Variants in PDE8B observed in about 807,000 individuals in gnomAD.
PDE8B encodes the protein phosphodiesterase 8B.
Under a neutral mutation model 101.3 loss-of-function variants are expected in PDE8B, and 26 were observed. That is an observed-to-expected ratio of 0.26 (90% CI 0.19 to 0.36). PDE8B has a LOEUF of 0.36. PDE8B is among the 10% of genes least tolerant of loss of function. The probability of loss-of-function intolerance (pLI) is 1.00; values close to 1 mark genes in which losing one functional copy is unlikely to be tolerated. For missense variants in PDE8B, 810 were observed against 1,163.1 expected (o/e 0.70, Z 4.42); for synonymous variants, 424 against 429.3 (o/e 0.99, Z 0.15).
At chr5:77,321,549 G>T (rs1775075186) in intron 2 of PDE8B, among the ~76,000 whole-genome samples, 1 of 152,100 alleles carries the variant, frequency 6.6e-6, no homozygotes, top group Non-Finnish European at 1.5e-5. Context: ...CATTAGCCTA[G>T]CTATAGCCTG....
chr5:77,256,086 A>G (rs1759107133), intron 1 of PDE8B, among the ~76,000 whole-genome samples: 1 of 152,122 alleles, frequency 6.6e-6, no homozygotes, highest in Admixed American at 6.5e-5. Context: ...CTCATGGGAA[A>G]CTGGAAGTTC....
chr5:77,385,802 T>TTG (rs1788458740), intron 10 of PDE8B, among the ~76,000 whole-genome samples: 1 of 148,104 alleles, frequency 6.8e-6, no homozygotes, highest in Non-Finnish European at 1.5e-5. Context: ...GAGGTTTTTT[T>TTG]TTTTTTTTTT....
chr5:77,206,087 A>G (rs1239892259), upstream of PDE8B, among the ~76,000 whole-genome samples: 1 of 109,946 alleles, frequency 9.1e-6, no homozygotes, highest in African/African-American at 8.4e-5. Flanking sequence ...AAACAAACAA[A>G]TAAAATAACC....
the PDE8B span, among the ~76,000 whole-genome samples, chr5:77,136,574 G>A: frequency 6.6e-6 from 1 of 152,190 alleles, no homozygotes; most frequent in African/African-American, 2.4e-5. Context: ...GCCTCCTCTT[G>A]TCCTGAAAAC....
intron 10 of PDE8B, among the ~76,000 whole-genome samples, chr5:77,392,424 C>T (rs1790133263): frequency 6.6e-6 from 1 of 152,130 alleles, no homozygotes; most frequent in Non-Finnish European, 1.5e-5. Context: ...TAGATCTGTG[C>T]ACCATTACCC....
intron 1 of PDE8B, chr5:77,290,540 T>A: frequency 6.8e-7 from 1 of 1,479,330 alleles, no homozygotes. Flanking sequence ...AGATTGACGA[T>A]GCCTTGTGGG....
chr5:77,108,093 T>C, the PDE8B span, among the ~76,000 whole-genome samples: 1 of 152,214 alleles, frequency 6.6e-6, no homozygotes, highest in Non-Finnish European at 1.5e-5. Flanking sequence ...AAGAAACAGT[T>C]ATAGCACTGG....
intron 10 of PDE8B, among the ~76,000 whole-genome samples, chr5:77,396,289 T>C (rs1474263534): frequency 1.3e-5 from 2 of 152,234 alleles, no homozygotes; most frequent in Non-Finnish European, 2.9e-5. Flanking sequence ...TGCCCTGTCA[T>C]TATTTTCCCC....
In PDE8B at chr5:77,283,272, C is replaced by T. The variant is rs535894376; in HGVS notation, c.340-28722C>T. Among the ~76,000 whole-genome samples the T allele has an allele frequency of 2.6e-3, 395 of 152,254 alleles. 3 individuals are homozygous for T. The highest frequency in any genetic ancestry group is 0.012 in the Admixed American group (191 of 15,288). On this transcript the variant is annotated intron_variant, in intron 1 of 21. Transcript: ENST00000264917. ...CCACTCCCTGGAGCCATATGCACAG[C>T]CTCTTCCACTGTCAACATCCCCCAC...
intron 10 of PDE8B, among the ~76,000 whole-genome samples, chr5:77,356,597 T>A (rs1375246408): frequency 6.6e-6 from 1 of 152,042 alleles, no homozygotes; most frequent in African/African-American, 2.4e-5. Flanking sequence ...GCCTGGCTAA[T>A]TTTTGTATTT....
chr5:77,351,681 T>G (rs985257853), intron 9 of PDE8B, among the ~76,000 whole-genome samples: 4 of 152,158 alleles, frequency 2.6e-5, no homozygotes, highest in Non-Finnish European at 5.9e-5. Context: ...TGTGGAGAGA[T>G]AAGAAAAATA....
At chr5:77,260,384 G>T (rs1760287830) in intron 1 of PDE8B, among the ~76,000 whole-genome samples, 1 of 152,008 alleles carries the variant, frequency 6.6e-6, no homozygotes. Context: ...TTCCTGTAAG[G>T]AGCATTTTAA....
rs189255625 is a variant in PDE8B, at chr5:77,268,327, G to A, written c.340-43667G>A. The stretch of plus-strand genomic sequence containing the variant: ...TAATAATCACATCGGGGTAAATGGG[G>A]GTATCCATCACTTCCTTTATGTCAC... On this transcript the variant is annotated intron_variant, in intron 1 of 21. Coordinates refer to ENST00000264917, the MANE Select transcript of PDE8B (RefSeq NM_003719.5). Among the ~76,000 whole-genome samples the A allele has an allele frequency of 8.0e-4, 122 of 151,994 alleles. 1 individual carries two copies. The highest frequency in any genetic ancestry group is 2.8e-3 in the African/African-American group (114 of 41,452).
chr5:77,355,693 T>G (rs1017568111), intron 10 of PDE8B, among the ~76,000 whole-genome samples: 2 of 152,206 alleles, frequency 1.3e-5, no homozygotes, highest in African/African-American at 4.8e-5. Context: ...AAATATGTGT[T>G]AAACACCTGT....
At chr5:77,364,570 C>T (rs1783765449) in intron 10 of PDE8B, among the ~76,000 whole-genome samples, 1 of 152,140 alleles carries the variant, frequency 6.6e-6, no homozygotes, top group South Asian at 2.1e-4. Context: ...ATTTCAGAGC[C>T]CAGCTCCAGG....
intron 1 of PDE8B, among the ~76,000 whole-genome samples, chr5:77,274,814 C>T (rs895512306): frequency 6.6e-6 from 1 of 151,992 alleles, no homozygotes; most frequent in Non-Finnish European, 1.5e-5. Context: ...CAGTTGTAGA[C>T]CTGAGAGCCC....
intron 17 of PDE8B, among the ~76,000 whole-genome samples, chr5:77,416,539 A>G (rs1050908527): frequency 1.1e-4 from 16 of 152,184 alleles, no homozygotes; most frequent in Non-Finnish European, 7.3e-5. Context: ...CTGCAGAATC[A>G]ATCTCTGAGA....
intron 1 of PDE8B, among the ~76,000 whole-genome samples, chr5:77,280,569 G>GT (rs573013861): frequency 1.3e-5 from 2 of 152,190 alleles, no homozygotes. Flanking sequence ...CTTATTGTCA[G>GT]TTTTTTTCCT....
chr5:77,382,872 A>G (rs1227883373), intron 10 of PDE8B, among the ~76,000 whole-genome samples: 4 of 152,132 alleles, frequency 2.6e-5, no homozygotes, highest in Admixed American at 6.5e-5. Context: ...AGTCTTTGCT[A>G]TTGTGAACAG....
Sources: gnomAD v4.1 joint callset for allele counts (sites outside exome capture counted in the v4.1 genomes callset) on GRCh38, gnomAD v4.1.1 for gene constraint, MANE v1.5 for transcripts, NCBI Gene and HGNC (gene_info 2026-07-23, HGNC 2026-07-21) for gene names.